The following WWOX variants were observed in gnomAD, a reference collection of about 807,000 sequenced individuals.
The protein encoded by WWOX is WW domain containing oxidoreductase, also known as WW domain-containing oxidoreductase.
In WWOX, 69 loss-of-function variants were observed where a neutral mutation model predicts 46.2. The ratio of observed to expected loss-of-function variants is 1.49; its 90% CI spans 1.23 to 1.82. The LOEUF is 1.82. WWOX is among the 40% of genes most tolerant of loss of function. The pLI is 0.00. For synonymous variants in WWOX, 359 were observed against 202.6 expected (o/e 1.77, Z -6.56); for missense variants, 919 against 542.6 (o/e 1.69, Z -6.89).
chr16:78,660,215 G>A (rs1018029208), intron 8 of WWOX, among the ~76,000 whole-genome samples: 2 of 152,156 alleles, frequency 1.3e-5, no homozygotes, highest in East Asian at 1.9e-4. Flanking sequence ...TTGTCAGCAG[G>A]AGGGAGGTTA....
chr16:78,615,219 G>C (rs184604039), intron 8 of WWOX, among the ~76,000 whole-genome samples: 2 of 152,146 alleles, frequency 1.3e-5, no homozygotes, highest in East Asian at 3.9e-4. Context: ...TTTTTTGAAA[G>C]GGCATCACCA....
intron 8 of WWOX, among the ~76,000 whole-genome samples, chr16:78,732,948 T>C (rs2049001252): frequency 6.6e-6 from 1 of 152,242 alleles, no homozygotes; most frequent in Non-Finnish European, 1.5e-5. Flanking sequence ...ACAGCATTAC[T>C]GAGCTCGAGT....
intron 8 of WWOX, among the ~76,000 whole-genome samples, chr16:79,198,496 G>A (rs189570364): frequency 1.6e-4 from 25 of 152,310 alleles, no homozygotes; most frequent in Middle Eastern, 3.4e-3. Context: ...GGCCTCCACT[G>A]CAGTTTTCAC....
chr16:78,743,543 A>G (rs897924684), intron 8 of WWOX, among the ~76,000 whole-genome samples: 3 of 152,278 alleles, frequency 2.0e-5, no homozygotes, highest in Non-Finnish European at 4.4e-5. Context: ...GACTTTGTAT[A>G]ATTAAATCAA....
intron 8 of WWOX, among the ~76,000 whole-genome samples, chr16:78,717,412 G>T (rs564842489): frequency 4.6e-5 from 7 of 152,290 alleles, no homozygotes; most frequent in Non-Finnish European, 7.4e-5. Context: ...TATAGACTGA[G>T]CTCCTTATCT....
At chr16:78,285,523 A>T (rs2079752661) in intron 5 of WWOX, among the ~76,000 whole-genome samples, 1 of 152,202 alleles carries the variant, frequency 6.6e-6, no homozygotes, top group African/African-American at 2.4e-5. Context: ...GAAGCCCCAT[A>T]GGATGGCTCA....
At chr16:78,904,216 AGAT>A (rs986492622) in intron 8 of WWOX, among the ~76,000 whole-genome samples, 47 of 142,950 alleles carry the variant, frequency 3.3e-4, no homozygotes, top group Non-Finnish European at 6.2e-4. Context: ...GTCATCACTT[AGAT>A]GATCTTATAA....
In WWOX at chr16:78,275,865, G is replaced by C. The variant is rs1597435030; in HGVS notation, c.517-110995G>C. On this transcript the variant is annotated intron_variant, in intron 5 of 8. Transcript: ENST00000566780. ...ATGTCTGGTCCCAAAGTGGGACCTG[G>C]AGTCCTTCCGACGAGGAAGTGCAGC... is the stretch of plus-strand genomic sequence containing the variant. Among the ~76,000 whole-genome samples the C allele has an allele frequency of 3.3e-5, 5 of 152,290 alleles. No individual in the cohort carries two copies. The South Asian group carries it at 1.0e-3, about 32-fold the overall frequency.
At chr16:79,168,179 T>C (rs1180584749) in intron 8 of WWOX, among the ~76,000 whole-genome samples, 2 of 152,234 alleles carry the variant, frequency 1.3e-5, no homozygotes, top group African/African-American at 4.8e-5. Context: ...ATGACTTGTG[T>C]TGCCATAAAC....
chr16:78,269,932 T>TG, intron 5 of WWOX, among the ~76,000 whole-genome samples: 1 of 150,080 alleles, frequency 6.7e-6, no homozygotes, highest in East Asian at 2.0e-4. Context: ...TTTTTTTTTT[T>TG]ACTTTCACCA....
chr16:79,014,866 TAGTG>T (rs779170945), intron 8 of WWOX, among the ~76,000 whole-genome samples: 2 of 152,210 alleles, frequency 1.3e-5, no homozygotes, highest in Non-Finnish European at 2.9e-5. Flanking sequence ...TACAAGCACT[TAGTG>T]AGCATCAGCT....
At chr16:78,643,825 C>CT (rs1195618931) in intron 8 of WWOX, among the ~76,000 whole-genome samples, 1 of 109,594 alleles carries the variant, frequency 9.1e-6, no homozygotes, top group Admixed American at 1.1e-4. Flanking sequence ...CCCCCTAACT[C>CT]CAAAAAAAAA....
intron 8 of WWOX, among the ~76,000 whole-genome samples, chr16:78,601,997 C>T (rs547318530): frequency 6.6e-6 from 1 of 152,304 alleles, no homozygotes; most frequent in African/African-American, 2.4e-5. Context: ...TAGAGTCAGG[C>T]AAACAATGGT....
At chr16:78,904,270 C>T (rs1347863222) in intron 8 of WWOX, among the ~76,000 whole-genome samples, 6 of 129,890 alleles carry the variant, frequency 4.6e-5, no homozygotes, top group African/African-American at 1.5e-4. Flanking sequence ...GTCGGAGTCT[C>T]ACTCTGTCGC....
At chr16:79,118,854 C>T (rs2150671443) in intron 8 of WWOX, among the ~76,000 whole-genome samples, 1 of 152,338 alleles carries the variant, frequency 6.6e-6, no homozygotes, top group East Asian at 1.9e-4. Flanking sequence ...TGCTTCTTAA[C>T]TGCAATTCTT....
chr16:78,619,191 A>ATATATATTTT (rs2046113838), intron 8 of WWOX, among the ~76,000 whole-genome samples: 1 of 30,828 alleles, frequency 3.2e-5, no homozygotes, highest in African/African-American at 1.4e-4. Context: ...ATATATATAT[A>ATATATATTTT]TATATATATA....
At chr16:78,589,264 A>G (rs1267773455) in intron 8 of WWOX, among the ~76,000 whole-genome samples, 1 of 152,254 alleles carries the variant, frequency 6.6e-6, no homozygotes, top group African/African-American at 2.4e-5. Context: ...AAGCAAAGCA[A>G]AACAAAATAG....
At chr16:78,580,247 T>C (rs2045014886) in intron 8 of WWOX, among the ~76,000 whole-genome samples, 1 of 152,098 alleles carries the variant, frequency 6.6e-6, no homozygotes, top group African/African-American at 2.4e-5. Flanking sequence ...CTAGCTTTTG[T>C]ATTTTTAGTA....
chr16:78,932,429 A>C (rs1267890068), intron 8 of WWOX, among the ~76,000 whole-genome samples: 1 of 152,104 alleles, frequency 6.6e-6, no homozygotes, highest in African/African-American at 2.4e-5. Flanking sequence ...TGCGTCAGAG[A>C]GTTCTTTTTC....
Sources: gnomAD v4.1 joint callset for allele counts (sites outside exome capture counted in the v4.1 genomes callset) on GRCh38, gnomAD v4.1.1 for gene constraint, MANE v1.5 for transcripts, NCBI Gene and HGNC (gene_info 2026-07-23, HGNC 2026-07-21) for gene names.